Variants in SEPTIN7 observed in about 807,000 individuals in gnomAD.
SEPTIN7 encodes septin 7.
SEPTIN7 carries 10 observed loss-of-function variants against 63.3 expected under a neutral mutation model. The ratio of observed to expected loss-of-function variants is 0.16; its 90% CI spans 0.10 to 0.27. The LOEUF is 0.27. SEPTIN7 is among the 10% of genes least tolerant of loss of function. SEPTIN7 has a pLI of 1.00. For missense variants in SEPTIN7, 310 were observed against 521.0 expected, an observed-to-expected ratio of 0.59 and a Z score of 3.94; for synonymous variants, 131 against 165.3, an observed-to-expected ratio of 0.79 and a Z score of 1.59.
intron 1 of SEPTIN7, among the ~76,000 whole-genome samples, chr7:35,806,725 C>T (rs919610632): frequency 3.3e-5 from 5 of 152,188 alleles, no homozygotes; most frequent in Non-Finnish European, 5.9e-5. Context: ...GATAAGATTT[C>T]TAATAGCCAT....
rs2116417211 is a variant in SEPTIN7 at position 35,906,930 on chromosome 7, A to G, written c.*2637A>G. The G allele has an allele frequency of 6.6e-6, 1 of 152,368 alleles. No individual in the cohort carries two copies. The highest frequency in any genetic ancestry group is 1.9e-4 in the East Asian group (1 of 5,194). 9.4% of individuals were successfully genotyped at this position (152,368 alleles called of 1,614,324 possible). A position where few individuals can be genotyped will look rare whatever the true frequency, so the allele number is the denominator to read the frequency against. ...TGAGGAGCGAAATGTTGACTCAGTT[A>G]TCTAGATCATGGTCTCCAAACCTGA... On this transcript the variant is annotated 3_prime_UTR_variant, in exon 14 of 14. Transcript: ENST00000350320.
chr7:35,811,274 G>T (rs974698909), intron 1 of SEPTIN7, among the ~76,000 whole-genome samples: 1 of 151,826 alleles, frequency 6.6e-6, no homozygotes, highest in Non-Finnish European at 1.5e-5. Flanking sequence ...GGGGTATGAG[G>T]CGATCTATAC....
chr7:35,880,215 TTTC>T (rs1218430510), intron 7 of SEPTIN7, among the ~76,000 whole-genome samples: 13 of 137,820 alleles, frequency 9.4e-5, no homozygotes, highest in Non-Finnish European at 1.7e-4. Flanking sequence ...TTTCTTTTTT[TTTC>T]TTTTCTTTTT....
intron 3 of SEPTIN7, among the ~76,000 whole-genome samples, chr7:35,835,138 A>C (rs535847282): frequency 5.3e-5 from 8 of 152,298 alleles, no homozygotes; most frequent in African/African-American, 1.9e-4. Flanking sequence ...TGACAAGATA[A>C]ACCACATAGA....
intron 3 of SEPTIN7, among the ~76,000 whole-genome samples, chr7:35,853,877 C>T (rs1785075085): frequency 6.6e-6 from 1 of 152,074 alleles, no homozygotes; most frequent in South Asian, 2.1e-4. Context: ...GAACATACTG[C>T]CTGGTGTCAA....
chr7:35,885,956 T>A, intron 10 of SEPTIN7, 77 bp downstream of exon 10: 2 of 979,278 alleles, frequency 2.0e-6, no homozygotes, highest in Non-Finnish European at 3.1e-6. Context: ...ACTTTTTGCC[T>A]TCTATAAATG....
intron 4 of SEPTIN7, among the ~76,000 whole-genome samples, chr7:35,867,264 T>G (rs1399297540): frequency 6.6e-6 from 1 of 152,224 alleles, no homozygotes; most frequent in Non-Finnish European, 1.5e-5. Context: ...TTAACAAAAT[T>G]TTTTGGAAAA....
intron 1 of SEPTIN7, among the ~76,000 whole-genome samples, chr7:35,805,467 CTCAATT>C (rs1298413490): frequency 6.6e-6 from 1 of 152,140 alleles, no homozygotes; most frequent in Non-Finnish European, 1.5e-5. Flanking sequence ...TTTTTGTGCT[CTCAATT>C]TGTGTTTCTC....
chr7:35,823,793 GTCTC>G (rs924231499), intron 1 of SEPTIN7, among the ~76,000 whole-genome samples: 2 of 152,020 alleles, frequency 1.3e-5, no homozygotes, highest in Non-Finnish European at 2.9e-5. Flanking sequence ...CGTATTCCTA[GTCTC>G]TCTCTCTATT....
chr7:35,865,049 T>C (rs1785731336), intron 4 of SEPTIN7, among the ~76,000 whole-genome samples: 1 of 151,880 alleles, frequency 6.6e-6, no homozygotes, highest in Non-Finnish European at 1.5e-5. Context: ...GTAACCTTTA[T>C]AGGGCTTGAG....
intron 12 of SEPTIN7, chr7:35,902,344 T>A (rs1324942361): frequency 6.6e-6 from 1 of 152,114 alleles, no homozygotes; most frequent in Admixed American, 6.5e-5. Flanking sequence ...CAGTCAGCAT[T>A]CTTTACAGTA....
intron 1 of SEPTIN7, among the ~76,000 whole-genome samples, chr7:35,820,482 G>A (rs1789346972): frequency 6.6e-6 from 1 of 151,748 alleles, no homozygotes; most frequent in Non-Finnish European, 1.5e-5. Context: ...TTCAGGTTTG[G>A]TGATTCTTTT....
At chr7:35,915,135 GCATA>G in the SEPTIN7 span, among the ~76,000 whole-genome samples, 1 of 131,844 alleles carries the variant, frequency 7.6e-6, no homozygotes, top group Non-Finnish European at 1.7e-5. Flanking sequence ...ATATATACAT[GCATA>G]TACACATGTA....
At chr7:35,832,240 C>A in intron 2 of SEPTIN7, 1 of 363,398 alleles carries the variant, frequency 2.8e-6, no homozygotes, top group African/African-American at 2.2e-5. Flanking sequence ...CCTGGCATAA[C>A]AGCTTGAATG....
downstream of SEPTIN7, among the ~76,000 whole-genome samples, chr7:35,908,144 C>G (rs563008106): frequency 6.3e-4 from 96 of 152,258 alleles, no homozygotes; most frequent in Admixed American, 1.4e-3. Flanking sequence ...ATACACCATT[C>G]TTTGTAAGTA....
At chr7:35,845,016 G>C (rs1055569724) in intron 3 of SEPTIN7, among the ~76,000 whole-genome samples, 1 of 151,974 alleles carries the variant, frequency 6.6e-6, no homozygotes, top group Non-Finnish European at 1.5e-5. Context: ...TTGAGCCTAG[G>C]GGTTCGAGAC....
chr7:35,886,606 C>T (rs1190261135), intron 10 of SEPTIN7, among the ~76,000 whole-genome samples: 1 of 152,200 alleles, frequency 6.6e-6, no homozygotes, highest in Non-Finnish European at 1.5e-5. Flanking sequence ...CCTGACTCCG[C>T]ATTTCCCACT....
rs560647114 is a variant in SEPTIN7, at chr7:35,834,815, T to C, written c.169+1915T>C. On this transcript the variant is annotated intron_variant, in intron 3 of 13. Coordinates refer to ENST00000350320, the MANE Select transcript of SEPTIN7 (RefSeq NM_001788.6). Reference sequence around the variant, plus strand: ...AAATCATAGAAAGCTGAAACCAACCTTGCTTTAATATTCTTGACTTAAAAA... The same window carrying C: ...AAATCATAGAAAGCTGAAACCAACCCTGCTTTAATATTCTTGACTTAAAAA... Among the ~76,000 whole-genome samples the C allele has an allele frequency of 3.1e-4, 47 of 152,280 alleles. 1 individual carries two copies. In the South Asian group the frequency reaches 9.5e-3, roughly 31 times the overall value.
At chr7:35,888,839 A>AC (rs1787450540) in intron 10 of SEPTIN7, 1 of 390,112 alleles carries the variant, frequency 2.6e-6, no homozygotes, top group African/African-American at 2.1e-5. Flanking sequence ...AAAAAAAAAA[A>AC]AAAAAACGGA....
Sources: gnomAD v4.1 joint callset for allele counts (sites outside exome capture counted in the v4.1 genomes callset) on GRCh38, gnomAD v4.1.1 for gene constraint, MANE v1.5 for transcripts, NCBI Gene and HGNC (gene_info 2026-07-23, HGNC 2026-07-21) for gene names.